NTRK3: variants seen among roughly 807,000 people sequenced by gnomAD.
NTRK3 encodes the protein NT-3 growth factor receptor.
NTRK3 carries 24 observed loss-of-function variants against 91.7 expected under a neutral mutation model. That is an observed-to-expected ratio of 0.26 (90% CI 0.19 to 0.37). NTRK3 has a LOEUF of 0.37. NTRK3 is among the 10% of genes least tolerant of loss of function. The pLI is 1.00. For synonymous variants in NTRK3, 483 were observed against 404.0 expected (o/e 1.20, Z -2.34); for missense variants, 880 against 1,068.9 (o/e 0.82, Z 2.46).
chr15:88,206,494 T>C (rs941694823), intron 3 of NTRK3, among the ~76,000 whole-genome samples: 7 of 145,596 alleles, frequency 4.8e-5, no homozygotes, highest in Non-Finnish European at 1.1e-4. Context: ...CCGTCTCTAC[T>C]AAAAATACAA....
At chr15:88,013,890 A>T (rs148670592) in intron 14 of NTRK3, among the ~76,000 whole-genome samples, 159 of 152,244 alleles carry the variant, frequency 1.0e-3, no homozygotes, top group African/African-American at 3.6e-3. Context: ...CAGTGAGCCA[A>T]TATCACACCA....
intron 13 of NTRK3, among the ~76,000 whole-genome samples, chr15:88,056,204 T>TATATATATATATA (rs377120482): frequency 2.4e-3 from 225 of 95,182 alleles, no homozygotes; most frequent in Middle Eastern, 5.8e-3. Flanking sequence ...ATATATATAT[T>TATATATATATATA]TTTTTTTTAA....
At chr15:88,239,266 T>C (rs2052090228) in intron 3 of NTRK3, among the ~76,000 whole-genome samples, 1 of 152,036 alleles carries the variant, frequency 6.6e-6, no homozygotes, top group African/African-American at 2.4e-5. Flanking sequence ...GTTTGAGGAA[T>C]GAACAGCAGA....
intron 14 of NTRK3, among the ~76,000 whole-genome samples, chr15:88,009,627 C>G (rs138595402): frequency 7.0e-4 from 107 of 152,310 alleles, no homozygotes; most frequent in African/African-American, 2.5e-3. Context: ...CTATAGGGTG[C>G]ACATGACCCT....
At chr15:88,060,003 T>C (rs1233493726) in intron 13 of NTRK3, among the ~76,000 whole-genome samples, 1 of 152,134 alleles carries the variant, frequency 6.6e-6, no homozygotes, top group East Asian at 1.9e-4. Context: ...AACTCCAGAA[T>C]AGATTTCTGT....
rs374156264 is a variant in NTRK3, at chr15:88,047,451, C to T, written c.1397-14406G>A. Among the ~76,000 whole-genome samples the T allele has an allele frequency of 8.5e-5, 13 of 152,108 alleles. 1 individual carries two copies. Among genetic ancestry groups the T allele is most frequent in the African/African-American group, 3.1e-4 (13 of 41,404 alleles). Reference sequence around the variant, plus strand: ...CAAGGGAAAAAAAAAGTCCAGAGATCTCATCTGAAAATGTATAAATGCATA... The same window carrying T: ...CAAGGGAAAAAAAAAGTCCAGAGATTTCATCTGAAAATGTATAAATGCATA... On this transcript the variant is annotated intron_variant, in intron 13 of 18. Coordinates refer to ENST00000394480, the Ensembl canonical transcript of NTRK3.
chr15:87,995,565 G>T (rs1361614030), intron 14 of NTRK3, among the ~76,000 whole-genome samples: 1 of 152,240 alleles, frequency 6.6e-6, no homozygotes, highest in Admixed American at 6.5e-5. Context: ...TAGCTTGGGG[G>T]CAGATCATGA....
chr15:88,097,797 T>C (rs1490316748), intron 13 of NTRK3, among the ~76,000 whole-genome samples: 3 of 152,218 alleles, frequency 2.0e-5, no homozygotes, highest in Admixed American at 1.3e-4. Context: ...AAATTGCATC[T>C]ACAGCATGAT....
intron 13 of NTRK3, among the ~76,000 whole-genome samples, chr15:88,093,390 A>C (rs1324735905): frequency 2.0e-5 from 3 of 152,138 alleles, no homozygotes; most frequent in Admixed American, 6.5e-5. Flanking sequence ...GAAAGCAGGA[A>C]GGGGAGGATT....
chr15:88,077,815 G>C (rs528661891), intron 13 of NTRK3, among the ~76,000 whole-genome samples: 7 of 152,146 alleles, frequency 4.6e-5, no homozygotes, highest in Admixed American at 2.6e-4. Context: ...ACTTTACCCT[G>C]TTTGTAAAAT....
At chr15:88,015,566 C>G (rs531559147) in intron 14 of NTRK3, among the ~76,000 whole-genome samples, 69 of 152,136 alleles carry the variant, frequency 4.5e-4, no homozygotes, top group Non-Finnish European at 7.8e-4. Context: ...AGCCACTGCT[C>G]TCTAAGCACA....
intron 5 of NTRK3, among the ~76,000 whole-genome samples, chr15:88,162,120 T>C (rs1044516797): frequency 6.6e-6 from 1 of 152,150 alleles, no homozygotes; most frequent in Admixed American, 6.5e-5. Context: ...CCAAGTCTCC[T>C]CTCCCAGATA....
intron 18 of NTRK3, among the ~76,000 whole-genome samples, chr15:87,879,201 A>T (rs1457772512): frequency 6.6e-6 from 1 of 152,196 alleles, no homozygotes; most frequent in Non-Finnish European, 1.5e-5. Flanking sequence ...AGAGACAAAC[A>T]TAGCTTCCAA....
chr15:87,981,495 C>CAGGCACAGCAGAG, intron 14 of NTRK3: 1 of 1,136,694 alleles, frequency 8.8e-7, no homozygotes. Context: ...TGTACCCACT[C>CAGGCACAGCAGAG]TGCTGTGCCT....
At chr15:88,074,082 C>T (rs2047329880) in intron 13 of NTRK3, among the ~76,000 whole-genome samples, 1 of 152,202 alleles carries the variant, frequency 6.6e-6, no homozygotes. Flanking sequence ...CTGATGAACA[C>T]CGACCATGTG....
chr15:88,065,251 C>A (rs1436785940), intron 13 of NTRK3, among the ~76,000 whole-genome samples: 1 of 152,166 alleles, frequency 6.6e-6, no homozygotes, highest in African/African-American at 2.4e-5. Context: ...TCCTACCCAC[C>A]ACCAGGAGCA....
intron 17 of NTRK3, among the ~76,000 whole-genome samples, chr15:87,913,756 T>C (rs2141768327): frequency 6.6e-6 from 1 of 152,218 alleles, no homozygotes; most frequent in African/African-American, 2.4e-5. Flanking sequence ...ATGAAGAAAA[T>C]ACAATTGGCC....
At chr15:87,996,009 T>C (rs1427453003) in intron 14 of NTRK3, among the ~76,000 whole-genome samples, 1 of 152,110 alleles carries the variant, frequency 6.6e-6, no homozygotes, top group Non-Finnish European at 1.5e-5. Flanking sequence ...TTTGGAAGGC[T>C]GAGGCAGGTG....
chr15:88,129,898 T>C (rs913331510), intron 10 of NTRK3, among the ~76,000 whole-genome samples: 2 of 152,194 alleles, frequency 1.3e-5, no homozygotes, highest in Non-Finnish European at 2.9e-5. Flanking sequence ...TAAAGATGTA[T>C]TAAAGTTAAA....
Sources: allele counts gnomAD v4.1 joint callset (sites outside exome capture counted in the v4.1 genomes callset), GRCh38; gene constraint gnomAD v4.1.1; transcripts MANE v1.5; gene names NCBI Gene and HGNC (gene_info 2026-07-23, HGNC 2026-07-21).